ADGRL3: variants seen among roughly 807,000 people sequenced by gnomAD.
ADGRL3 encodes the protein calcium-independent alpha-latrotoxin receptor 3.
In ADGRL3, 62 loss-of-function variants were observed where a neutral mutation model predicts 153.5. That is an observed-to-expected ratio of 0.40 (90% CI 0.33 to 0.50). The LOEUF (loss-of-function observed/expected upper bound fraction) is 0.50. ADGRL3 is among the 20% of genes least tolerant of loss of function. The pLI is 0.47. For synonymous variants in ADGRL3, 710 were observed against 672.5 expected (o/e 1.06, Z -0.86); for missense variants, 1,641 against 1,859.4 (o/e 0.88, Z 2.16).
chr4:61,775,414 G>A (rs1032458185), intron 8 of ADGRL3: 3 of 663,750 alleles, frequency 4.5e-6, no homozygotes, highest in Non-Finnish European at 8.3e-6. Flanking sequence ...GTGTGTGTGT[G>A]TGTGTGTGTG....
intron 6 of ADGRL3, among the ~76,000 whole-genome samples, chr4:61,699,869 G>A (rs2095715509): frequency 1.3e-5 from 2 of 151,786 alleles, no homozygotes; most frequent in South Asian, 4.2e-4. Flanking sequence ...TGGAAAAAAA[G>A]TACTATGGAT....
At chr4:61,375,195 T>C (rs1283949607) in intron 1 of ADGRL3, among the ~76,000 whole-genome samples, 1 of 152,174 alleles carries the variant, frequency 6.6e-6, no homozygotes, top group Non-Finnish European at 1.5e-5. Flanking sequence ...TGGTAGCATG[T>C]GTTGGCACAA....
At chr4:61,770,788 G>A (rs902482295) in intron 8 of ADGRL3, among the ~76,000 whole-genome samples, 4 of 152,166 alleles carry the variant, frequency 2.6e-5, no homozygotes, top group Non-Finnish European at 5.9e-5. Context: ...CTTCATATCG[G>A]AGAACATATT....
intron 2 of ADGRL3, among the ~76,000 whole-genome samples, chr4:61,456,902 T>A (rs2152556466): frequency 6.6e-6 from 1 of 152,184 alleles, no homozygotes; most frequent in East Asian, 1.9e-4. Context: ...GCCTCACTTT[T>A]GTAGGAGTAG....
intron 24 of ADGRL3, among the ~76,000 whole-genome samples, chr4:62,038,605 A>G (rs570826232): frequency 6.6e-6 from 1 of 151,988 alleles, no homozygotes; most frequent in Admixed American, 6.6e-5. Context: ...AACTAGTATT[A>G]TTTGTTTGTT....
intron 25 of ADGRL3, among the ~76,000 whole-genome samples, chr4:62,048,079 C>T (rs1732081011): frequency 6.6e-6 from 1 of 152,074 alleles, no homozygotes. Flanking sequence ...ACTCAATCCT[C>T]AGTCTCCTCC....
chr4:61,657,394 A>G (rs900042936), intron 5 of ADGRL3, among the ~76,000 whole-genome samples: 2 of 152,048 alleles, frequency 1.3e-5, no homozygotes, highest in South Asian at 4.1e-4. Flanking sequence ...ATGTCTATAT[A>G]TATATATGCC....
chr4:61,973,805 C>CT (rs2099038060), intron 17 of ADGRL3, among the ~76,000 whole-genome samples: 1 of 151,850 alleles, frequency 6.6e-6, no homozygotes. Flanking sequence ...CGTTATTTGT[C>CT]TTTTTGTTCT....
chr4:61,829,408 G>T (rs1035075252), intron 9 of ADGRL3, among the ~76,000 whole-genome samples: 1 of 151,998 alleles, frequency 6.6e-6, no homozygotes, highest in Non-Finnish European at 1.5e-5. Flanking sequence ...AAGATGTTTT[G>T]TTTTATATTT....
At position 61,598,811 on chromosome 4, in the gene ADGRL3, CTA is replaced by C. The variant is rs1442582800; in HGVS notation, c.473+11375_473+11376del. Among the ~76,000 whole-genome samples, 11 of 151,992 alleles carry C rather than the reference CTA, an allele frequency of 7.2e-5. No individual in the cohort carries two copies. In the South Asian group the frequency reaches 1.5e-3, roughly 20 times the overall value. Reference sequence around the variant, plus strand: ...TTTTCATTTATTAAGGAATAAATGACTATATTTTATCCATTTTTTATTTAAAA... The same window carrying C: ...TTTTCATTTATTAAGGAATAAATGACTATTTTATCCATTTTTTATTTAAAA... On this transcript the variant is annotated intron_variant, in intron 5 of 26. Coordinates refer to ENST00000683033, the MANE Select transcript of ADGRL3 (RefSeq NM_001387552.1).
intron 1 of ADGRL3, among the ~76,000 whole-genome samples, chr4:61,229,180 A>T (rs529431651): frequency 1.6e-4 from 25 of 152,254 alleles, no homozygotes; most frequent in Non-Finnish European, 3.5e-4. Flanking sequence ...GTACGTTCTT[A>T]ACTCTCACTC....
chr4:61,791,133 A>C (rs568916310), intron 8 of ADGRL3, among the ~76,000 whole-genome samples: 1 of 152,224 alleles, frequency 6.6e-6, no homozygotes, highest in Non-Finnish European at 1.5e-5. Context: ...AGTCTCCCAA[A>C]GTCTTAACTC....
At chr4:61,248,939 C>G (rs185002345) in intron 1 of ADGRL3, among the ~76,000 whole-genome samples, 4 of 152,258 alleles carry the variant, frequency 2.6e-5, no homozygotes, top group African/African-American at 7.2e-5. Flanking sequence ...TTGTATTCTA[C>G]GTGCACAGCA....
chr4:61,277,596 G>A (rs890493611), intron 1 of ADGRL3, among the ~76,000 whole-genome samples: 12 of 151,938 alleles, frequency 7.9e-5, no homozygotes, highest in African/African-American at 2.7e-4. Flanking sequence ...GGATATAGTG[G>A]GAAAAAAATG....
chr4:61,253,459 C>T (rs1205912104), intron 1 of ADGRL3, among the ~76,000 whole-genome samples: 2 of 151,986 alleles, frequency 1.3e-5, no homozygotes, highest in South Asian at 4.1e-4. Context: ...ACTCCATTGA[C>T]AAACATGGGT....
intron 18 of ADGRL3, among the ~76,000 whole-genome samples, chr4:61,983,110 G>A (rs1182951598): frequency 6.6e-6 from 1 of 151,812 alleles, no homozygotes; most frequent in African/African-American, 2.4e-5. Context: ...TTATTCATAG[G>A]CTCTTATTAG....
At chr4:61,579,765 TA>T in intron 4 of ADGRL3, 2 of 297,768 alleles carry the variant, frequency 6.7e-6, no homozygotes, top group South Asian at 5.4e-5. Context: ...TATTCTTTTT[TA>T]ATTGTCACTT....
intron 2 of ADGRL3, among the ~76,000 whole-genome samples, chr4:61,443,551 C>A (rs1258379773): frequency 6.6e-6 from 1 of 152,002 alleles, no homozygotes; most frequent in Non-Finnish European, 1.5e-5. Flanking sequence ...ATATTTAATT[C>A]TATTTTTTCT....
chr4:61,966,308 G>A (rs1469148753), intron 17 of ADGRL3, among the ~76,000 whole-genome samples: 1 of 151,978 alleles, frequency 6.6e-6, no homozygotes, highest in African/African-American at 2.4e-5. Context: ...CTATTATATG[G>A]TTTTTATAAT....
Sources: gnomAD v4.1 joint callset for allele counts (sites outside exome capture counted in the v4.1 genomes callset) on GRCh38, gnomAD v4.1.1 for gene constraint, MANE v1.5 for transcripts, NCBI Gene and HGNC (gene_info 2026-07-23, HGNC 2026-07-21) for gene names.